Variants in REPS1 observed in about 807,000 individuals in gnomAD.
The protein encoded by REPS1 is RALBP1 associated Eps domain containing 1.
Under a neutral mutation model 100.9 loss-of-function variants are expected in REPS1, and 39 were observed. That is an observed-to-expected ratio of 0.39 (90% CI 0.30 to 0.50). The LOEUF is 0.50. Among genes scored for constraint, REPS1 ranks in the 20% least tolerant of loss-of-function variants. The pLI is 0.86. For missense variants in REPS1, 821 were observed against 968.5 expected (o/e 0.85, Z 2.02); for synonymous variants, 324 against 340.3 (o/e 0.95, Z 0.53).
rs1160197622 is a variant in REPS1, at chr6:138,908,709, A to C, written c.2175T>G (p.Gly725=). ...PEVDEHTQKT[G]VLAAVLASQP... The stretch of plus-strand genomic sequence containing the variant: ...GTGATGCAAGAACAGCAGCTAAGAC[A>C]CCCGTCTTTTGTGTATGTTCATCAA... Residue 725 remains glycine (G), a synonymous_variant, in exon 18 of 20, where the codon GGT becomes GGG. Coordinates refer to ENST00000450536, the MANE Select transcript of REPS1 (RefSeq NM_001286611.2). 1 of 1,614,120 alleles carries C rather than the reference A, an allele frequency of 6.2e-7. No homozygotes were observed. The highest frequency in any genetic ancestry group is 8.5e-7 in the Non-Finnish European group (1 of 1,180,002).
At chr6:138,979,147 C>T (rs529452986) in intron 1 of REPS1, among the ~76,000 whole-genome samples, 1 of 141,584 alleles carries the variant, frequency 7.1e-6, no homozygotes, top group African/African-American at 2.8e-5. Context: ...GGCCATTGCA[C>T]TCCAGCCTGG....
chr6:138,975,171 C>T (rs1348084444), intron 1 of REPS1, among the ~76,000 whole-genome samples: 1 of 152,128 alleles, frequency 6.6e-6, no homozygotes, highest in African/African-American at 2.4e-5. Context: ...TCAGCACATA[C>T]AAAATCCACC....
chr6:138,964,540 T>A (rs1582836420), intron 1 of REPS1, among the ~76,000 whole-genome samples: 1 of 152,036 alleles, frequency 6.6e-6, no homozygotes, highest in African/African-American at 2.4e-5. Context: ...ACAAAATAAG[T>A]ATGTTAATTA....
chr6:138,919,772 A>G (rs993513988), intron 12 of REPS1, among the ~76,000 whole-genome samples: 4 of 152,178 alleles, frequency 2.6e-5, no homozygotes, highest in Admixed American at 1.3e-4. Context: ...TTTTATTCAC[A>G]GTATTAGTTA....
At chr6:138,963,589 C>T (rs1247049124) in intron 1 of REPS1, among the ~76,000 whole-genome samples, 1 of 152,170 alleles carries the variant, frequency 6.6e-6, no homozygotes, top group African/African-American at 2.4e-5. Context: ...TAATAATAAA[C>T]AATGTTTGCT....
At position 138,987,932 on chromosome 6, in the gene REPS1, A is replaced by ACGGCTCCGGCTC. The variant is rs540491812; in HGVS notation, c.-262_-251dup. On this transcript the variant is annotated 5_prime_UTR_variant, in exon 1 of 20. Transcript: ENST00000450536. Reference sequence around the variant, plus strand: ...CGCGGCTGCGGCTGCGGCTGCGACTACGGCTCCGGCTCCGGCTCCGGCTCC... The same window carrying ACGGCTCCGGCTC: ...CGCGGCTGCGGCTGCGGCTGCGACTACGGCTCCGGCTCCGGCTCCGGCTCCGGCTCCGGCTCC... 1.4e-3 allele frequency: 512 copies of ACGGCTCCGGCTC among 373,286 alleles called. 1 individual carries two copies. The highest frequency in any genetic ancestry group is 1.9e-3 in the Admixed American group (40 of 21,454). 23.1% of individuals were successfully genotyped at this position (373,286 alleles called of 1,614,324 possible).
At chr6:138,942,785 C>T (rs1034712011) in intron 7 of REPS1, among the ~76,000 whole-genome samples, 1 of 152,064 alleles carries the variant, frequency 6.6e-6, no homozygotes, top group East Asian at 1.9e-4. Flanking sequence ...GACAGAATCT[C>T]GTTCTGTCAC....
In REPS1 at chr6:138,911,378, A is replaced by G. The variant is rs1562510517; in HGVS notation, c.1972-7T>C. 1.9e-6 allele frequency: 3 copies of G among 1,582,712 alleles called. No individual in the cohort carries two copies. Among genetic ancestry groups the G allele is most frequent in the Middle Eastern group, 1.7e-4 (1 of 5,998 alleles). ...GATCAGAAGCTTTTTCAGCCTAAAA[A>G]TGAATATGTTTATCACTATTAATTC... is the stretch of plus-strand genomic sequence containing the variant. On this transcript the variant is annotated splice_region_variant and splice_polypyrimidine_tract_variant and intron_variant, in intron 16 of 19. Coordinates refer to ENST00000450536, the MANE Select transcript of REPS1 (RefSeq NM_001286611.2).
At chr6:138,932,241 T>C (rs960099722) in intron 8 of REPS1, among the ~76,000 whole-genome samples, 2 of 152,144 alleles carry the variant, frequency 1.3e-5, no homozygotes, top group Admixed American at 6.6e-5. Context: ...ATAATTATAC[T>C]TTACCGCTAT....
intron 7 of REPS1, among the ~76,000 whole-genome samples, chr6:138,943,004 T>C (rs1035189881): frequency 5.3e-5 from 8 of 152,230 alleles, no homozygotes; most frequent in Non-Finnish European, 1.2e-4. Flanking sequence ...TGCCTCGGCC[T>C]CCCAAAGTGC....
chr6:138,921,439 C>A (rs933003116), intron 10 of REPS1, among the ~76,000 whole-genome samples: 2 of 151,984 alleles, frequency 1.3e-5, no homozygotes, highest in African/African-American at 2.4e-5. Context: ...GCAGGAGAAT[C>A]ACTTGAGCCC....
At chr6:138,971,502 G>C (rs1269784159) in intron 1 of REPS1, among the ~76,000 whole-genome samples, 1 of 151,898 alleles carries the variant, frequency 6.6e-6, no homozygotes, top group African/African-American at 2.4e-5. Flanking sequence ...ATAGTGCCAA[G>C]GTGTCCAGAT....
rs940174338 is a variant in REPS1 at position 138,930,038 on chromosome 6, C to T, written c.1196G>A (p.Ser399Asn). 1.9e-6 allele frequency: 3 copies of T among 1,613,708 alleles called. No individual in the cohort carries two copies. Among genetic ancestry groups the T allele is most frequent in the Non-Finnish European group, 1.7e-6 (2 of 1,179,700 alleles). The change falls in exon 9 of 20, where the codon AGC (serine) becomes AAC (asparagine). Residue 399 changes from serine (S) to asparagine (N), a missense_variant. By Grantham distance (46) the Ser-to-Asn change is conservative. This residue lies in a region of REPS1 where 757 missense variants were observed against 866.4 expected (regional missense o/e 0.87). Coordinates refer to ENST00000450536, the MANE Select transcript of REPS1 (RefSeq NM_001286611.2). ...TAGTGATGGCATCGATGGTGACTTGCTTGGAGGAGCTTCAGCAGGAGAGCC... is the reference window on the plus strand; with the variant it reads ...TAGTGATGGCATCGATGGTGACTTGTTTGGAGGAGCTTCAGCAGGAGAGCC... ...YSGSPAEAPP[S>N]KSPSMPSLNQ...
At chr6:138,929,395 C>T (rs1781346785) in intron 9 of REPS1, 1 of 152,140 alleles carries the variant, frequency 6.6e-6, no homozygotes, top group Non-Finnish European at 1.5e-5. Flanking sequence ...TCCCAAATTC[C>T]ATTTTGCATA....
intron 8 of REPS1, among the ~76,000 whole-genome samples, chr6:138,938,943 G>A (rs1467290014): frequency 6.6e-6 from 1 of 151,726 alleles, no homozygotes; most frequent in Non-Finnish European, 1.5e-5. Context: ...CGCCTCCTGG[G>A]TTCAAGCAAT....
In REPS1 at chr6:138,922,651, T is replaced by C. The variant is rs899862688; in HGVS notation, c.1339-1527A>G. Among the ~76,000 whole-genome samples, 5 of 152,266 alleles carry C rather than the reference T, an allele frequency of 3.3e-5. No homozygotes were observed. In the South Asian group the frequency reaches 8.3e-4, roughly 25 times the overall value. Reference sequence around the variant, plus strand: ...GATCAAGCACCTGGCTTAACAGCAATAGACCAGCTGAGAAACATCACCAAG... The same window carrying C: ...GATCAAGCACCTGGCTTAACAGCAACAGACCAGCTGAGAAACATCACCAAG... On this transcript the variant is annotated intron_variant, in intron 10 of 19. Transcript: ENST00000450536.
At chr6:138,962,062 T>C (rs1582831806) in intron 1 of REPS1, among the ~76,000 whole-genome samples, 1 of 152,322 alleles carries the variant, frequency 6.6e-6, no homozygotes, top group East Asian at 1.9e-4. Flanking sequence ...AGTGCTAGTG[T>C]GGAGTCAAAA....
At chr6:138,984,078 CT>C (rs748774209) in intron 1 of REPS1, among the ~76,000 whole-genome samples, 7,754 of 134,372 alleles carry the variant, frequency 0.058, 263 homozygotes, top group East Asian at 0.17. Flanking sequence ...CTCTCTCTCT[CT>C]TTTTTTTTTT....
chr6:138,968,429 T>C (rs1784132351), intron 1 of REPS1, among the ~76,000 whole-genome samples: 1 of 152,214 alleles, frequency 6.6e-6, no homozygotes, highest in Admixed American at 6.5e-5. Flanking sequence ...AAGAGAAAGT[T>C]CTTGCCCAAG....
Sources: gnomAD v4.1 joint callset for allele counts (sites outside exome capture counted in the v4.1 genomes callset) on GRCh38, gnomAD v4.1.1 for gene constraint, gnomAD v4.1.1 regional missense constraint, MANE v1.5 for transcripts, NCBI Gene and HGNC (gene_info 2026-07-23, HGNC 2026-07-21) for gene names.